Variants in DCAF5 observed in about 807,000 individuals in gnomAD.
DCAF5 encodes the protein DDB1- and CUL4-associated factor 5.
A neutral mutation model predicts 80.7 loss-of-function variants in DCAF5; 9 were observed. That is an observed-to-expected ratio of 0.11 (90% confidence interval 0.07 to 0.19). DCAF5 has a LOEUF of 0.19. Ranked by LOEUF, DCAF5 falls within the 10% of genes least tolerant of loss-of-function variation. DCAF5 has a pLI of 1.00. For synonymous variants in DCAF5, 433 were observed against 461.9 expected (o/e 0.94, Z 0.80); for missense variants, 842 against 1,205.7 (o/e 0.70, Z 4.47).
At chr14:69,140,902 C>T (rs111828127) in intron 1 of DCAF5, among the ~76,000 whole-genome samples, 18 of 152,040 alleles carry the variant, frequency 1.2e-4, no homozygotes, top group African/African-American at 4.1e-4. Flanking sequence ...AGATCACCCC[C>T]GCCTAGGGAC....
chr14:69,066,020 A>G (rs975630101), intron 7 of DCAF5, among the ~76,000 whole-genome samples: 6 of 152,086 alleles, frequency 3.9e-5, no homozygotes, highest in African/African-American at 1.4e-4. Context: ...AATACCACAT[A>G]CCCAGGAAAA....
intron 1 of DCAF5, among the ~76,000 whole-genome samples, chr14:69,126,754 G>GT (rs965288843): frequency 1.3e-5 from 2 of 152,080 alleles, no homozygotes; most frequent in Non-Finnish European, 1.5e-5. Flanking sequence ...ACAGACCCAC[G>GT]TAAGTATAAT....
chr14:69,094,707 GC>G (rs2039640678), intron 5 of DCAF5, among the ~76,000 whole-genome samples: 2 of 152,160 alleles, frequency 1.3e-5, no homozygotes, highest in Admixed American at 6.5e-5. Context: ...GAAGCAGTCT[GC>G]CCTCATAGTC....
chr14:69,112,507 T>TA (rs968900225), intron 5 of DCAF5, among the ~76,000 whole-genome samples: 2 of 151,300 alleles, frequency 1.3e-5, no homozygotes, highest in African/African-American at 4.9e-5. Flanking sequence ...GGCTGAGGCC[T>TA]AGGCAACATA....
chr14:69,086,765 C>A (rs960320084), intron 6 of DCAF5, among the ~76,000 whole-genome samples: 1 of 152,106 alleles, frequency 6.6e-6, no homozygotes, highest in South Asian at 2.1e-4. Flanking sequence ...CTGAGGGAGG[C>A]CATTTATCCA....
At chr14:69,098,726 A>C (rs2039826804) in intron 5 of DCAF5, among the ~76,000 whole-genome samples, 2 of 76,568 alleles carry the variant, frequency 2.6e-5, no homozygotes, top group Admixed American at 3.0e-4. Flanking sequence ...TACTAAAAAT[A>C]CAAAAAAAAA....
At chr14:69,078,857 T>C (rs1381430141) in intron 6 of DCAF5, among the ~76,000 whole-genome samples, 1 of 152,150 alleles carries the variant, frequency 6.6e-6, no homozygotes, top group Non-Finnish European at 1.5e-5. Context: ...TAAATGTACA[T>C]ATATATTTAA....
chr14:69,095,954 G>A (rs2039695918), intron 5 of DCAF5, among the ~76,000 whole-genome samples: 1 of 152,144 alleles, frequency 6.6e-6, no homozygotes, highest in South Asian at 2.1e-4. Flanking sequence ...ATCCCAAGTA[G>A]AGAGAGAAAA....
chr14:69,089,419 T>A (rs961585488), intron 6 of DCAF5: 6 of 152,248 alleles, frequency 3.9e-5, no homozygotes, highest in African/African-American at 1.4e-4. Context: ...TCAATGACTT[T>A]GCATCTTCTT....
chr14:69,084,097 CATT>C, intron 6 of DCAF5: 1 of 798,270 alleles, frequency 1.3e-6, no homozygotes, highest in Non-Finnish European at 2.3e-6. Flanking sequence ...CAGCTGAACT[CATT>C]GTTAAGTTAA....
intron 6 of DCAF5, chr14:69,090,829 G>C (rs1444257837): frequency 6.8e-6 from 3 of 439,430 alleles, no homozygotes; most frequent in African/African-American, 5.9e-5. Context: ...ATTAGCGAGA[G>C]ACTAAGGTTT....
Position 69,128,001 on chromosome 14 carries a change from G to A in DCAF5, c.215-5641C>T, listed in dbSNP as rs557529237. Among the ~76,000 whole-genome samples the A allele has an allele frequency of 6.6e-5, 10 of 152,050 alleles. No homozygotes were observed. In the East Asian group the frequency reaches 1.9e-3, roughly 29 times the overall value. Reference sequence around the variant, plus strand: ...GGTATTATAATGGCATTATGGTTATGTTAAAAAAGAAAAAAATCCTTATCA... The same window carrying A: ...GGTATTATAATGGCATTATGGTTATATTAAAAAAGAAAAAAATCCTTATCA... On this transcript the variant is annotated intron_variant, in intron 1 of 8. Coordinates refer to ENST00000341516, the MANE Select transcript of DCAF5 (RefSeq NM_003861.3).
chr14:69,096,296 G>A lies in DCAF5; in HGVS notation c.666-4409C>T, dbSNP rs148760990. The stretch of plus-strand genomic sequence containing the variant: ...AGACTGAAACCTCCAGAGGGAACCA[G>A]AACTGTCGGACAACCAACCCAAGGA... On this transcript the variant is annotated intron_variant, in intron 5 of 8. Coordinates refer to ENST00000341516, the MANE Select transcript of DCAF5 (RefSeq NM_003861.3). Among the ~76,000 whole-genome samples, 8 of 152,304 alleles carry A rather than the reference G, an allele frequency of 5.3e-5. No homozygotes were observed. The East Asian group carries it at 1.5e-3, about 29-fold the overall frequency.
intron 2 of DCAF5, among the ~76,000 whole-genome samples, chr14:69,121,358 C>T (rs1003264139): frequency 1.3e-5 from 2 of 152,146 alleles, no homozygotes; most frequent in African/African-American, 4.8e-5. Flanking sequence ...CAAGATAGAC[C>T]TGACAGGACT....
intron 2 of DCAF5, 116 bp from the exon 3 acceptor site, chr14:69,119,346 C>T (rs2040638112): frequency 7.3e-6 from 7 of 955,898 alleles, no homozygotes; most frequent in East Asian, 5.2e-5. Flanking sequence ...AATGCTAATA[C>T]AAATTAGAAG....
chr14:69,056,686 A>G (rs1484948354), intron 8 of DCAF5, among the ~76,000 whole-genome samples: 3 of 152,048 alleles, frequency 2.0e-5, no homozygotes, highest in African/African-American at 7.2e-5. Context: ...TCAATTCCCC[A>G]TCCTTCATCT....
chr14:69,096,361 C>T (rs2039715700), intron 5 of DCAF5, among the ~76,000 whole-genome samples: 1 of 152,180 alleles, frequency 6.6e-6, no homozygotes, highest in African/African-American at 2.4e-5. Context: ...TTTATTTTCC[C>T]CAGAACATGA....
intron 5 of DCAF5, among the ~76,000 whole-genome samples, chr14:69,107,901 C>T (rs1412868678): frequency 6.6e-6 from 1 of 152,116 alleles, no homozygotes; most frequent in African/African-American, 2.4e-5. Flanking sequence ...GTGCTAGGCA[C>T]TAGAGATTAA....
intron 1 of DCAF5, among the ~76,000 whole-genome samples, chr14:69,147,887 T>A (rs1282828573): frequency 6.6e-6 from 1 of 152,176 alleles, no homozygotes; most frequent in African/African-American, 2.4e-5. Flanking sequence ...GCTAGCTCTA[T>A]AAGTTCCAAT....
Sources: gnomAD v4.1 joint callset for allele counts (sites outside exome capture counted in the v4.1 genomes callset) on GRCh38, gnomAD v4.1.1 for gene constraint, MANE v1.5 for transcripts, NCBI Gene and HGNC (gene_info 2026-07-23, HGNC 2026-07-21) for gene names.